The following SIX5 variants were observed in gnomAD, a reference collection of about 807,000 sequenced individuals.
SIX5 encodes the protein homeobox protein SIX5.
SIX5 carries 21 observed loss-of-function variants against 37.1 expected under a neutral mutation model. That is an observed-to-expected ratio of 0.57 (90% CI 0.40 to 0.81). SIX5 has a LOEUF of 0.81. Ranked by LOEUF, SIX5 falls within the 40% of genes least tolerant of loss-of-function variation. SIX5 has a pLI of 0.00. For synonymous variants in SIX5, 626 were observed against 505.9 expected, an observed-to-expected ratio of 1.24 and a Z score of -3.19; for missense variants, 1,137 against 1,025.1, an observed-to-expected ratio of 1.11 and a Z score of -1.49.
At chr19:45,766,215 T>A (rs1390490738) in intron 2 of SIX5, 104 bp from the exon 3 acceptor site, 4 of 1,506,394 alleles carry the variant, frequency 2.7e-6, no homozygotes, top group Non-Finnish European at 3.6e-6. Flanking sequence ...GGGAGCCTTG[T>A]GGTGGGCCTT....
Position 45,766,469 on chromosome 19 carries a change from A to C in SIX5, c.1490T>G (p.Leu497Trp). 5 of 1,531,324 alleles carry C rather than the reference A, an allele frequency of 3.3e-6. No homozygotes were observed. Among genetic ancestry groups the C allele is most frequent in the Non-Finnish European group, 4.4e-6 (5 of 1,135,420 alleles). 94.9% of individuals were successfully genotyped at this position (1,531,324 alleles called of 1,614,324 possible). ...LPQAVGPLQLLAAGPGSPVKV... is the reference protein window; with the variant it reads ...LPQAVGPLQLWAAGPGSPVKV... Reference sequence around the variant, plus strand: ...CACAGGGCTGCCTGGCCCGGCTGCCAACAGCTGCAGGGGCCCCACAGCCTG... The same window carrying C: ...CACAGGGCTGCCTGGCCCGGCTGCCCACAGCTGCAGGGGCCCCACAGCCTG... Residue 497 changes from leucine (L) to tryptophan (W), a missense_variant, in exon 2 of 3, where the codon TTG becomes TGG. By Grantham distance (61) the Leu-to-Trp change is moderately conservative. Around this residue, in one of 3 missense-constraint regions of SIX5, gnomAD observed 787 missense variants for 621.4 expected, o/e 1.27. Coordinates refer to ENST00000317578, the MANE Select transcript of SIX5 (RefSeq NM_175875.5).
At position 45,766,948 on chromosome 19, in the gene SIX5, G is replaced by A. The variant is rs774389197; in HGVS notation, c.1011C>T (p.Leu337=). 4.4e-6 allele frequency: 7 copies of A among 1,580,838 alleles called. No homozygotes were observed. Among genetic ancestry groups the A allele is most frequent in the Non-Finnish European group, 6.0e-6 (7 of 1,165,890 alleles). ...FLAASGSPAV[L]LNGGPVIING... is the part of the protein sequence containing the mutation. ...TGATGATGACGGGGCCCCCGTTGAG[G>A]AGCACTGCTGGGGAGCCGCTGGCTG... The change falls in exon 2 of 3, where the codon CTC becomes CTT. Residue 337 remains leucine, a synonymous_variant. Coordinates refer to ENST00000317578, the MANE Select transcript of SIX5 (RefSeq NM_175875.5).
At chr19:45,767,629 G>A (rs1031027641) in intron 1 of SIX5, among the ~76,000 whole-genome samples, 5 of 152,198 alleles carry the variant, frequency 3.3e-5, no homozygotes, top group Non-Finnish European at 7.4e-5. Context: ...GACGGACCAC[G>A]CCGTCCGGGC....
At position 45,768,907 on chromosome 19, in the gene SIX5, C is replaced by T; in HGVS notation, c.-63G>A. The T allele has an allele frequency of 1.4e-6, 2 of 1,431,244 alleles. No individual in the cohort carries two copies. Among genetic ancestry groups the T allele is most frequent in the Non-Finnish European group, 9.4e-7 (1 of 1,065,220 alleles). The allele number at this position is 1,431,244 out of a possible 1,614,324, so 88.7% of individuals were successfully genotyped here. On this transcript the variant is annotated 5_prime_UTR_variant, in exon 1 of 3. Transcript: ENST00000317578. ...CCTCCCTCGGGCTTTCCCCAGCCTC[C>T]TCCCCCACCTGTCCCCCCTTTTCGC...
Position 45,765,538 on chromosome 19 carries a change from A to G in SIX5, c.2183T>C (p.Leu728Pro). The G allele has an allele frequency of 2.5e-6, 4 of 1,613,434 alleles. No individual in the cohort carries two copies. Among genetic ancestry groups the G allele is most frequent in the Non-Finnish European group, 3.4e-6 (4 of 1,179,998 alleles). Residue 728 changes from leucine (L) to proline (P), a missense_variant, in exon 3 of 3, where the codon CTC becomes CCC. By Grantham distance (98) the Leu-to-Pro change is moderately conservative. Coordinates refer to ENST00000317578, the MANE Select transcript of SIX5 (RefSeq NM_175875.5). ...GGGCTCCTCCACAGGCACCGACTGG[A>G]GCTGGGTCAGAACCTTGGCCTCAGC... ...LEAEAKVLTQ[L>P]QSVPVEEPLE...
chr19:45,766,132 A>G (rs1969068517), intron 2 of SIX5, 21 bp from the exon 3 acceptor site: 1 of 1,606,216 alleles, frequency 6.2e-7, no homozygotes, highest in Non-Finnish European at 8.5e-7. Flanking sequence ...AGAGGGACCG[A>G]GCGCAGGTGA....
In SIX5 at chr19:45,765,644, C is replaced by T. The variant is rs2341097; in HGVS notation, c.2077G>A (p.Val693Met). 0.34 allele frequency: 554,715 copies of T among 1,612,970 alleles called. 97,361 individuals are homozygous for T. Among genetic ancestry groups the T allele is most frequent in the Middle Eastern group, 0.38 (2,300 of 6,062 alleles). The change falls in exon 3 of 3, where the codon GTG becomes ATG. Residue 693 changes from valine (V) to methionine (M), a missense_variant. Coordinates refer to ENST00000317578, the MANE Select transcript of SIX5 (RefSeq NM_175875.5). Reference sequence around the variant, plus strand: ...GGGTCGGGGTCTGGCAGCCTCAGCACGGTGTGGGGGGCCTGTGTCCCCAGC... The same window carrying T: ...GGGTCGGGGTCTGGCAGCCTCAGCATGGTGTGGGGGGCCTGTGTCCCCAGC... Reference protein sequence around the residue: ...KGLGTQAPHTVLRLPDPDPEG... With the variant: ...KGLGTQAPHTMLRLPDPDPEG...
chr19:45,768,443 G>A lies in SIX5; in HGVS notation c.402C>T (p.Ala134=), dbSNP rs1265412156. 12 of 1,533,270 alleles carry A rather than the reference G, an allele frequency of 7.8e-6. No individual in the cohort carries two copies. The highest frequency in any genetic ancestry group is 2.2e-4 in the Middle Eastern group (1 of 4,576). The allele number at this position is 1,533,270 out of a possible 1,614,324, so 95.0% of individuals were successfully genotyped here. The change falls in exon 1 of 3, where the codon GCC becomes GCT. Residue 134 remains alanine, a synonymous_variant. Coordinates refer to ENST00000317578, the MANE Select transcript of SIX5 (RefSeq NM_175875.5). ...GCTCGGCGTACTCGCCCCGCTGGAA[G>A]GCCACCAGGGCCCGCGCGCGCAACA... ...DPVLRARALV[A]FQRGEYAELY...
chr19:45,765,497 T>G lies in SIX5; in HGVS notation c.*4A>C. ...GTCGGGAGAGGCCACGGGGCCACAC[T>G]GGGTCACAGTTCCAAGGGCTCCTCC... On this transcript the variant is annotated 3_prime_UTR_variant, in exon 3 of 3. Transcript: ENST00000317578. 1 of 1,613,286 alleles carries G rather than the reference T, an allele frequency of 6.2e-7. No individual in the cohort carries two copies. The highest frequency in any genetic ancestry group is 8.5e-7 in the Non-Finnish European group (1 of 1,179,996).
At position 45,765,353 on chromosome 19, in the gene SIX5, A is replaced by G. The variant is rs1969046882; in HGVS notation, c.*148T>C. ...GGAGGTGGCCGGGGATACAACCCCC[A>G]GCACCACCAGGGCTTGGAGAGGCCA... is the stretch of plus-strand genomic sequence containing the variant. On this transcript the variant is annotated 3_prime_UTR_variant, in exon 3 of 3. Transcript: ENST00000317578. The G allele has an allele frequency of 8.9e-7, 1 of 1,129,780 alleles. No individual in the cohort carries two copies. The highest frequency in any genetic ancestry group is 1.7e-5 in the Admixed American group (1 of 58,944). The allele number at this position is 1,129,780 out of a possible 1,614,324, so 70.0% of individuals were successfully genotyped here.
intron 1 of SIX5, 47 bp downstream of exon 1, chr19:45,767,995 G>A (rs754043471): frequency 1.3e-6 from 2 of 1,566,388 alleles, no homozygotes; most frequent in Non-Finnish European, 1.7e-6. Flanking sequence ...GCTGGTGGAC[G>A]GGATGTCCCC....
chr19:45,767,825 C>T (rs1356587600), intron 1 of SIX5: 3 of 585,870 alleles, frequency 5.1e-6, no homozygotes, highest in African/African-American at 3.8e-5. Flanking sequence ...AATGGAGCCG[C>T]TGGAAGAGGA....
Position 45,768,786 on chromosome 19 carries a change from G to T in SIX5, c.59C>A (p.Ala20Glu). The change falls in exon 1 of 3, where the codon GCG (alanine) becomes GAG (glutamate). Residue 20 changes from alanine (A) to glutamate (E), a missense_variant. Ala to Glu is a moderately radical substitution (Grantham distance 107). Around this residue, in one of 3 missense-constraint regions of SIX5, gnomAD observed 331 missense variants for 360.9 expected, o/e 0.92. Transcript: ENST00000317578. ...CTCCTCTTCGGTCGCCGCCGCCGCCGCCACCGCCTCCCCCCCAGCCGCCGG... is the reference window on the plus strand; with the variant it reads ...CTCCTCTTCGGTCGCCGCCGCCGCCTCCACCGCCTCCCCCCCAGCCGCCGG... ...AGPAAGGEAV[A>E]AAAATEEEEE... The T allele has an allele frequency of 6.5e-7, 1 of 1,527,432 alleles. No individual in the cohort carries two copies. The highest frequency in any genetic ancestry group is 8.7e-7 in the Non-Finnish European group (1 of 1,143,192). 94.6% of individuals were successfully genotyped at this position (1,527,432 alleles called of 1,614,324 possible). A position where few individuals can be genotyped will look rare whatever the true frequency, so the allele number is the denominator to read the frequency against.
Position 45,766,653 on chromosome 19 carries a change from C to A in SIX5, c.1306G>T (p.Ala436Ser). ...AQVVPGPPTA[A>S]TFPLPPGPVP... ...GGCCCCGGGGGCAGAGGAAAGGTGG[C>A]AGCCGTCGGGGGGCCAGGCACCACT... is the stretch of plus-strand genomic sequence containing the variant. Residue 436 changes from alanine (A) to serine (S), a missense_variant, in exon 2 of 3, where the codon GCC (alanine) becomes TCC (serine). Ala to Ser is a moderately conservative substitution (Grantham distance 99). This residue lies in a region of SIX5 where 787 missense variants were observed against 621.4 expected (regional missense o/e 1.27). Transcript: ENST00000317578. The A allele has an allele frequency of 6.8e-7, 1 of 1,481,336 alleles. No individual in the cohort carries two copies. Among genetic ancestry groups the A allele is most frequent in the Non-Finnish European group, 9.0e-7 (1 of 1,114,438 alleles). 91.8% of individuals were successfully genotyped at this position (1,481,336 alleles called of 1,614,324 possible). A position where few individuals can be genotyped will look rare whatever the true frequency, so the allele number is the denominator to read the frequency against.
rs1969117981 is a variant in SIX5 at position 45,768,030 on chromosome 19, G to A, written c.803+12C>T. ...CGGGAGAGCTGGACTTGCGCCGCCCGAGGCCCCTCACCTCTTGCAGGGCGC... is the reference window on the plus strand; with the variant it reads ...CGGGAGAGCTGGACTTGCGCCGCCCAAGGCCCCTCACCTCTTGCAGGGCGC... On this transcript the variant is annotated intron_variant, in intron 1 of 2. Coordinates refer to ENST00000317578, the MANE Select transcript of SIX5 (RefSeq NM_175875.5). 2 of 1,592,546 alleles carry A rather than the reference G, an allele frequency of 1.3e-6. No individual in the cohort carries two copies. Among genetic ancestry groups the A allele is most frequent in the Non-Finnish European group, 1.7e-6 (2 of 1,177,326 alleles).
chr19:45,765,765 T>G lies in SIX5; in HGVS notation c.1956A>C (p.Pro652=). The G allele has an allele frequency of 1.9e-6, 3 of 1,609,702 alleles. No individual in the cohort carries two copies. Among genetic ancestry groups the G allele is most frequent in the Non-Finnish European group, 1.7e-6 (2 of 1,179,926 alleles). ...GLLPNFPAPP[P]EGLMLSPAAV... ...CCGCGGGTGACAACATCAGCCCCTCTGGTGGGGGCGCCGGGAAGTTGGGCA... is the reference window on the plus strand; with the variant it reads ...CCGCGGGTGACAACATCAGCCCCTCGGGTGGGGGCGCCGGGAAGTTGGGCA... Residue 652 remains proline, a synonymous_variant, in exon 3 of 3, where the codon CCA becomes CCC. Transcript: ENST00000317578.
At position 45,766,881 on chromosome 19, in the gene SIX5, G is replaced by T; in HGVS notation, c.1078C>A (p.Leu360Met). 6.5e-7 allele frequency: 1 copy of T among 1,548,364 alleles called. No individual in the cohort carries two copies. ...LGEASSLGPL[L>M]LTGGGGAPPP... is the part of the protein sequence containing the mutation. ...GGGGCACCCCCGCCCCCAGTGAGCAGCAGCGGGCCCAGGCTGGAGGCCTCG... is the reference window on the plus strand; with the variant it reads ...GGGGCACCCCCGCCCCCAGTGAGCATCAGCGGGCCCAGGCTGGAGGCCTCG... Residue 360 changes from leucine (L) to methionine (M), a missense_variant, in exon 2 of 3, where the codon CTG (leucine) becomes ATG (methionine). Physicochemically the swap from Leu to Met is conservative, Grantham distance 15 (BLOSUM62 2). Transcript: ENST00000317578.
rs746615895 is a variant in SIX5 at position 45,766,672 on chromosome 19, C to T, written c.1287G>A (p.Val429=). 3 of 1,498,020 alleles carry T rather than the reference C, an allele frequency of 2.0e-6. No homozygotes were observed. The South Asian group carries it at 3.8e-5, about 19-fold the overall frequency. The allele number at this position is 1,498,020 out of a possible 1,614,324, so 92.8% of individuals were successfully genotyped here. A position where few individuals can be genotyped will look rare whatever the true frequency, so the allele number is the denominator to read the frequency against. Residue 429 remains valine (V), a synonymous_variant, in exon 2 of 3, where the codon GTG becomes GTA. Coordinates refer to ENST00000317578, the MANE Select transcript of SIX5 (RefSeq NM_175875.5). ...AGGTGGCAGCCGTCGGGGGGCCAGGCACCACTTGGGCCAGGGGCCCCAGGA... is the reference window on the plus strand; with the variant it reads ...AGGTGGCAGCCGTCGGGGGGCCAGGTACCACTTGGGCCAGGGGCCCCAGGA... ...EEVLGPLAQV[V]PGPPTAATFP... is the part of the protein sequence containing the mutation.
chr19:45,768,734 C>T lies in SIX5; in HGVS notation c.111G>A (p.Gln37=), dbSNP rs1426886584. ...EEEEEARQLL[Q]TLQAAEGEAA... ...CCTCACCCTCGGCCGCCTGCAAAGT[C>T]TGCAAGAGCTGGCGCGCTTCCTCCT... The change falls in exon 1 of 3, where the codon CAG becomes CAA. Residue 37 remains glutamine, a synonymous_variant. Coordinates refer to ENST00000317578, the MANE Select transcript of SIX5 (RefSeq NM_175875.5). The T allele has an allele frequency of 4.6e-6, 7 of 1,508,008 alleles. No homozygotes were observed. In the Admixed American group the frequency reaches 1.0e-4, roughly 22 times the overall value. The allele number at this position is 1,508,008 out of a possible 1,614,324, so 93.4% of individuals were successfully genotyped here. A position where few individuals can be genotyped will look rare whatever the true frequency, so the allele number is the denominator to read the frequency against.
Sources: gnomAD v4.1 joint callset for allele counts (sites outside exome capture counted in the v4.1 genomes callset) on GRCh38, gnomAD v4.1.1 for gene constraint, gnomAD v4.1.1 regional missense constraint, MANE v1.5 for transcripts, NCBI Gene and HGNC (gene_info 2026-07-23, HGNC 2026-07-21) for gene names.